The following CRIM1 variants were observed in gnomAD, a reference collection of about 807,000 sequenced individuals.
CRIM1 encodes cysteine rich transmembrane BMP regulator 1, also known as cysteine-rich motor neuron 1 protein.
A neutral mutation model predicts 116.4 loss-of-function variants in CRIM1; 32 were observed. That is an observed-to-expected ratio of 0.27 (90% CI 0.21 to 0.37). The LOEUF (loss-of-function observed/expected upper bound fraction) is 0.37. CRIM1 is among the 10% of genes least tolerant of loss of function. The probability of loss-of-function intolerance (pLI) is 1.00; values close to 1 mark genes in which losing one functional copy is unlikely to be tolerated. For missense variants in CRIM1, 1,331 were observed against 1,354.8 expected, an observed-to-expected ratio of 0.98 and a Z score of 0.28; for synonymous variants, 590 against 509.2, an observed-to-expected ratio of 1.16 and a Z score of -2.13.
intron 9 of CRIM1, among the ~76,000 whole-genome samples, chr2:36,510,575 A>T (rs1664597696): frequency 6.6e-6 from 1 of 152,208 alleles, no homozygotes; most frequent in Non-Finnish European, 1.5e-5. Flanking sequence ...GTGCATCCTT[A>T]GCTGCCATGC....
intron 8 of CRIM1, among the ~76,000 whole-genome samples, chr2:36,506,598 T>C (rs977330552): frequency 2.0e-5 from 3 of 152,134 alleles, no homozygotes; most frequent in Non-Finnish European, 4.4e-5. Context: ...TTTTACTACA[T>C]AGTTGCTATC....
chr2:36,537,071 A>T (rs545216570), intron 13 of CRIM1, among the ~76,000 whole-genome samples: 1 of 152,082 alleles, frequency 6.6e-6, no homozygotes, highest in Non-Finnish European at 1.5e-5. Flanking sequence ...CAATCTCTTT[A>T]TCTCTTTCTA....
chr2:36,417,228 C>G (rs1348845178), intron 2 of CRIM1, among the ~76,000 whole-genome samples: 2 of 152,234 alleles, frequency 1.3e-5, no homozygotes, highest in East Asian at 3.9e-4. Flanking sequence ...TTTCTTCACC[C>G]CTCTTCTCTC....
At chr2:36,412,213 C>T (rs1398791298) in intron 2 of CRIM1, among the ~76,000 whole-genome samples, 2 of 151,600 alleles carry the variant, frequency 1.3e-5, no homozygotes, top group Non-Finnish European at 2.9e-5. Context: ...CAGTAAATAA[C>T]CAAGAACTCC....
chr2:36,455,116 G>C (rs189110955), intron 4 of CRIM1, among the ~76,000 whole-genome samples: 2 of 152,138 alleles, frequency 1.3e-5, no homozygotes, highest in Non-Finnish European at 2.9e-5. Flanking sequence ...AGAACTGGAA[G>C]GATGGACCAT....
chr2:36,360,547 C>T (rs569961573), intron 1 of CRIM1, among the ~76,000 whole-genome samples: 14 of 152,244 alleles, frequency 9.2e-5, no homozygotes, highest in Admixed American at 3.3e-4. Flanking sequence ...ACTATGTATA[C>T]ATAGTGGGGT....
chr2:36,433,438 T>G (rs62136162), intron 2 of CRIM1, among the ~76,000 whole-genome samples: 24,210 of 152,194 alleles, frequency 0.16, 2,137 homozygotes, highest in East Asian at 0.47. Flanking sequence ...GCTCAGTGCT[T>G]CTTTGGCACT....
chr2:36,391,814 G>T (rs1300543252), intron 1 of CRIM1, among the ~76,000 whole-genome samples: 2 of 148,592 alleles, frequency 1.3e-5, no homozygotes. Flanking sequence ...AAAAAAAAAT[G>T]GTACATAAAA....
At chr2:36,479,083 A>G in intron 6 of CRIM1, among the ~76,000 whole-genome samples, 1 of 152,226 alleles carries the variant, frequency 6.6e-6, no homozygotes, top group East Asian at 1.9e-4. Flanking sequence ...GACTTAGGGC[A>G]TTGTTGCTTC....
chr2:36,449,905 C>A (rs1676567407), intron 4 of CRIM1, among the ~76,000 whole-genome samples: 1 of 151,484 alleles, frequency 6.6e-6, no homozygotes, highest in African/African-American at 2.4e-5. Flanking sequence ...TTAGAAACAG[C>A]AAAATGAAAT....
chr2:36,526,161 G>C (rs1665744108), intron 13 of CRIM1, among the ~76,000 whole-genome samples: 1 of 151,782 alleles, frequency 6.6e-6, no homozygotes, highest in Non-Finnish European at 1.5e-5. Flanking sequence ...CACTTTAATG[G>C]AACATCTTCT....
At chr2:36,444,754 C>G (rs1676112361) in intron 4 of CRIM1, among the ~76,000 whole-genome samples, 1 of 152,200 alleles carries the variant, frequency 6.6e-6, no homozygotes, top group Non-Finnish European at 1.5e-5. Flanking sequence ...TCGCTTTGAA[C>G]AGGGTCTCCT....
rs1045543 is a variant in CRIM1 at position 36,549,128 on chromosome 2, C to G, written c.*427C>G. The G allele has an allele frequency of 0.3, 46,231 of 152,986 alleles. 7,294 individuals carry two copies. Among genetic ancestry groups the G allele is most frequent in the Middle Eastern group, 0.47 (136 of 288 alleles). 9.5% of individuals were successfully genotyped at this position (152,986 alleles called of 1,614,324 possible). A position where few individuals can be genotyped will look rare whatever the true frequency, so the allele number is the denominator to read the frequency against. On this transcript the variant is annotated 3_prime_UTR_variant, in exon 17 of 17. Coordinates refer to ENST00000280527, the MANE Select transcript of CRIM1 (RefSeq NM_016441.3). ...TTTTCCTATTGCTCTGAAGACTGCA[C>G]TGGTTGCTGCAAAGCTCAGGCCTGA...
At chr2:36,407,237 A>T (rs72787253) in intron 2 of CRIM1, among the ~76,000 whole-genome samples, 1 of 152,286 alleles carries the variant, frequency 6.6e-6, no homozygotes, top group Admixed American at 6.5e-5. Context: ...AAGCACACAC[A>T]CATATACATA....
intron 1 of CRIM1, among the ~76,000 whole-genome samples, chr2:36,364,905 T>C (rs997197244): frequency 1.3e-5 from 2 of 152,190 alleles, no homozygotes; most frequent in Non-Finnish European, 2.9e-5. Flanking sequence ...TAAAATAATA[T>C]TAATTTTAAT....
chr2:36,449,934 T>C (rs1163805942), intron 4 of CRIM1, among the ~76,000 whole-genome samples: 2 of 151,886 alleles, frequency 1.3e-5, no homozygotes, highest in African/African-American at 4.8e-5. Flanking sequence ...AGAGTAATGA[T>C]TTAAGCCAGG....
chr2:36,442,677 G>A lies in CRIM1; in HGVS notation c.811G>A (p.Asp271Asn), dbSNP rs1161564977. Residue 271 changes from aspartate to asparagine, a missense_variant, in exon 4 of 17, where the codon GAC becomes AAC. Physicochemically the swap from Asp to Asn is conservative, Grantham distance 23. Coordinates refer to ENST00000280527, the MANE Select transcript of CRIM1 (RefSeq NM_016441.3). The part of the protein sequence containing the change: ...PPVQQTACPP[D>N]SYETQVRLTA... ...TGTTCAGCAGACCGCGTGTCCCCCG[G>A]ACAGCTATGAAACTCAAGTCAGACT... The A allele has an allele frequency of 6.2e-7, 1 of 1,614,032 alleles. No homozygotes were observed. Among genetic ancestry groups the A allele is most frequent in the Non-Finnish European group, 8.5e-7 (1 of 1,180,016 alleles).
chr2:36,508,077 A>G (rs2125103051), intron 8 of CRIM1, among the ~76,000 whole-genome samples: 1 of 152,306 alleles, frequency 6.6e-6, no homozygotes, highest in East Asian at 1.9e-4. Flanking sequence ...TTCCCTTAAT[A>G]ATGGGGAATG....
At chr2:36,542,488 G>A (rs1450836477) in intron 14 of CRIM1, among the ~76,000 whole-genome samples, 4 of 152,094 alleles carry the variant, frequency 2.6e-5, no homozygotes, top group African/African-American at 7.2e-5. Flanking sequence ...CCAAAGTTAC[G>A]TCTCTCCCTC....
Sources: allele counts gnomAD v4.1 joint callset (sites outside exome capture counted in the v4.1 genomes callset), GRCh38; gene constraint gnomAD v4.1.1; transcripts MANE v1.5; gene names NCBI Gene and HGNC (gene_info 2026-07-23, HGNC 2026-07-21).